The following GRIN2B variants were observed in gnomAD, a reference collection of about 807,000 sequenced individuals.
GRIN2B encodes glutamate receptor ionotropic, NMDA 2B.
GRIN2B carries 5 observed loss-of-function variants against 114.5 expected under a neutral mutation model. The ratio of observed to expected loss-of-function variants is 0.04; its 90% confidence interval spans 0.02 to 0.09. The LOEUF (loss-of-function observed/expected upper bound fraction) is 0.09. Among genes scored for constraint, GRIN2B ranks in the 10% least tolerant of loss-of-function variants. GRIN2B has a pLI of 1.00. For synonymous variants in GRIN2B, 787 were observed against 745.1 expected (o/e 1.06, Z -0.92); for missense variants, 1,108 against 1,943.5 (o/e 0.57, Z 8.08).
At chr12:13,578,447 A>G (rs1451585129) in intron 10 of GRIN2B, among the ~76,000 whole-genome samples, 2 of 152,182 alleles carry the variant, frequency 1.3e-5, no homozygotes, top group South Asian at 2.1e-4. Flanking sequence ...GATTCCACCT[A>G]TAGGTGCTCC....
At chr12:13,927,796 A>C (rs1222640344) in intron 2 of GRIN2B, among the ~76,000 whole-genome samples, 1 of 150,778 alleles carries the variant, frequency 6.6e-6, no homozygotes, top group Admixed American at 6.6e-5. Context: ...CTCTACAAAA[A>C]AAATAAAAAT....
chr12:13,916,557 A>G (rs554671350), intron 2 of GRIN2B, among the ~76,000 whole-genome samples: 1 of 152,146 alleles, frequency 6.6e-6, no homozygotes, highest in South Asian at 2.1e-4. Flanking sequence ...TCATTTGATA[A>G]ATATCTATCG....
chr12:13,753,216 C>T lies in GRIN2B; in HGVS notation c.1010+101G>A, dbSNP rs1009486080. The stretch of plus-strand genomic sequence containing the variant: ...CCAAGGCCAGGCTTCAACCTGCTAC[C>T]GTCTTGAACTGTTCTTCCTGCAGTT... On this transcript the variant is annotated intron_variant, in intron 4 of 13. Transcript: ENST00000609686. The surrounding 1 kb of genome is among the most constrained non-coding windows in gnomAD (Gnocchi z 6.2). 6.6e-5 allele frequency: 54 copies of T among 818,074 alleles called. 1 individual carries two copies. Among genetic ancestry groups the T allele is most frequent in the East Asian group, 1.9e-4 (8 of 41,412 alleles). The allele number at this position is 818,074 out of a possible 1,614,324, so 50.7% of individuals were successfully genotyped here.
At chr12:13,781,965 A>T (rs1179439343) in intron 3 of GRIN2B, among the ~76,000 whole-genome samples, 1 of 152,204 alleles carries the variant, frequency 6.6e-6, no homozygotes, top group Non-Finnish European at 1.5e-5. Flanking sequence ...GTCTGACATG[A>T]TAACATGAAT....
intron 3 of GRIN2B, among the ~76,000 whole-genome samples, chr12:13,812,561 A>G (rs1023812610): frequency 6.6e-6 from 1 of 152,142 alleles, no homozygotes; most frequent in African/African-American, 2.4e-5. Context: ...CTTTGCATTC[A>G]CTAAAGAAAT....
In GRIN2B at chr12:13,795,392, T is replaced by C. The variant is rs181758348; in HGVS notation, c.412-41477A>G. 1.3e-3 allele frequency among the ~76,000 whole-genome samples: 205 copies of C among 152,286 alleles called. 1 individual carries two copies. Among genetic ancestry groups the C allele is most frequent in the African/African-American group, 4.4e-3 (184 of 41,558 alleles). On this transcript the variant is annotated intron_variant, in intron 3 of 13. Coordinates refer to ENST00000609686, the MANE Select transcript of GRIN2B (RefSeq NM_000834.5). ...GCAGTGGCGAAAAAAAAAAACGTTT[T>C]ACAATTGGAAGAACTGAATTTGATC... is the stretch of plus-strand genomic sequence containing the variant.
chr12:13,767,887 T>C (rs1863828664), intron 3 of GRIN2B, among the ~76,000 whole-genome samples: 1 of 152,232 alleles, frequency 6.6e-6, no homozygotes, highest in African/African-American at 2.4e-5. Flanking sequence ...AAGTTATTAA[T>C]ATTGAAATCT....
intron 4 of GRIN2B, among the ~76,000 whole-genome samples, chr12:13,721,502 T>C (rs1040470419): frequency 1.3e-5 from 2 of 151,998 alleles, no homozygotes; most frequent in Non-Finnish European, 2.9e-5. Flanking sequence ...ATGTGTTGGA[T>C]ATCGGTGTAA....
intron 3 of GRIN2B, among the ~76,000 whole-genome samples, chr12:13,853,753 G>C (rs947233426): frequency 2.0e-5 from 3 of 152,212 alleles, no homozygotes; most frequent in African/African-American, 7.2e-5. Flanking sequence ...GAATGTATCT[G>C]CCAGTAACCA....
chr12:13,649,348 C>T (rs1949793797), intron 5 of GRIN2B, among the ~76,000 whole-genome samples: 5 of 151,988 alleles, frequency 3.3e-5, no homozygotes, highest in Admixed American at 3.3e-4. Flanking sequence ...TGTTATATAC[C>T]TTCTTCTTTC....
intron 8 of GRIN2B, among the ~76,000 whole-genome samples, chr12:13,613,509 C>A (rs972696186): frequency 3.5e-4 from 54 of 152,162 alleles, no homozygotes; most frequent in African/African-American, 1.3e-3. Context: ...GCCAAAAAGT[C>A]TGTGTTTTTT....
intron 4 of GRIN2B, among the ~76,000 whole-genome samples, chr12:13,696,718 T>C (rs1224108455): frequency 6.6e-6 from 1 of 152,226 alleles, no homozygotes; most frequent in African/African-American, 2.4e-5. Context: ...CATGGCTCAC[T>C]GTGATTCTCA....
chr12:13,830,692 T>C (rs1865129697), intron 3 of GRIN2B, among the ~76,000 whole-genome samples: 2 of 152,200 alleles, frequency 1.3e-5, no homozygotes, highest in Admixed American at 1.3e-4. Context: ...AGCCACAAGA[T>C]AGCATCAGGC....
chr12:13,747,952 T>C (rs1356888910), intron 4 of GRIN2B, among the ~76,000 whole-genome samples: 1 of 152,192 alleles, frequency 6.6e-6, no homozygotes, highest in Non-Finnish European at 1.5e-5. Context: ...GCTCATACAT[T>C]GGTTCCAAAG....
intron 3 of GRIN2B, among the ~76,000 whole-genome samples, chr12:13,853,177 A>G (rs1464052022): frequency 2.0e-5 from 3 of 152,190 alleles, no homozygotes; most frequent in Admixed American, 6.5e-5. Context: ...TCATTAAAGC[A>G]TTCACCACTA....
At chr12:13,931,869 C>T (rs942590177) in intron 2 of GRIN2B, among the ~76,000 whole-genome samples, 4 of 152,100 alleles carry the variant, frequency 2.6e-5, no homozygotes, top group Admixed American at 6.5e-5. Context: ...CACTGTCCAC[C>T]ACCTCCATAA....
At chr12:13,658,411 A>G (rs1233094987) in intron 5 of GRIN2B, among the ~76,000 whole-genome samples, 1 of 152,164 alleles carries the variant, frequency 6.6e-6, no homozygotes, top group East Asian at 1.9e-4. Flanking sequence ...ATAACAAAAT[A>G]TCGTTACATA....
intron 3 of GRIN2B, among the ~76,000 whole-genome samples, chr12:13,789,041 C>G (rs1027100629): frequency 6.6e-6 from 1 of 151,692 alleles, no homozygotes; most frequent in Non-Finnish European, 1.5e-5. Context: ...TCTGGAGCTT[C>G]TTGCCAAAGG....
At chr12:13,596,342 T>G (rs1256872106) in intron 10 of GRIN2B, among the ~76,000 whole-genome samples, 3 of 152,218 alleles carry the variant, frequency 2.0e-5, no homozygotes, top group East Asian at 1.9e-4. Flanking sequence ...AGCTGGGAGA[T>G]GTGTAGAGGA....
Sources: allele counts gnomAD v4.1 joint callset (sites outside exome capture counted in the v4.1 genomes callset), GRCh38; gene constraint gnomAD v4.1.1; non-coding constraint Gnocchi (gnomAD v3.1); transcripts MANE v1.5; gene names NCBI Gene and HGNC (gene_info 2026-07-23, HGNC 2026-07-21).